Variants in FBXO31 observed in about 807,000 individuals in gnomAD.
FBXO31 encodes F-box protein 31.
A neutral mutation model predicts 54.4 loss-of-function variants in FBXO31; 24 were observed. The observed-to-expected ratio is 0.44, with a 90% CI of 0.32 to 0.62. FBXO31 has a LOEUF of 0.62. Among genes scored for constraint, FBXO31 ranks in the 20% least tolerant of loss-of-function variants. FBXO31 has a pLI of 0.05. For synonymous variants in FBXO31, 388 were observed against 335.6 expected (o/e 1.16, Z -1.71); for missense variants, 665 against 787.1 (o/e 0.84, Z 1.86).
chr16:87,344,782 G>C (rs8056833), intron 3 of FBXO31, among the ~76,000 whole-genome samples: 68,342 of 152,064 alleles, frequency 0.45, 16,639 homozygotes, highest in African/African-American at 0.6. Flanking sequence ...CAAGGCTGGA[G>C]CACGCGACGC....
upstream of FBXO31, among the ~76,000 whole-genome samples, chr16:87,386,507 AC>A (rs1375228701): frequency 2.0e-5 from 3 of 152,198 alleles, no homozygotes; most frequent in Non-Finnish European, 4.4e-5. Flanking sequence ...ATCTCAGCTC[AC>A]TGCAGCCCCC....
At chr16:87,348,614 G>T (rs1018104607) in intron 2 of FBXO31, among the ~76,000 whole-genome samples, 1 of 152,162 alleles carries the variant, frequency 6.6e-6, no homozygotes, top group African/African-American at 2.4e-5. Context: ...CCCCATCACG[G>T]TCACCAAAGG....
At chr16:87,366,315 T>C (rs970797357) in intron 1 of FBXO31, among the ~76,000 whole-genome samples, 13 of 152,250 alleles carry the variant, frequency 8.5e-5, no homozygotes, top group Admixed American at 7.9e-4. Context: ...GGGAACTCTC[T>C]GCCCTTCCTT....
chr16:87,347,401 T>G, intron 2 of FBXO31, 151 bp from the exon 3 acceptor site: 1 of 708,354 alleles, frequency 1.4e-6, no homozygotes, highest in South Asian at 1.5e-5. Flanking sequence ...TCTAAAGATG[T>G]ATCAGAATGA....
At chr16:87,384,489 G>A (rs1907256635), upstream of FBXO31, among the ~76,000 whole-genome samples, 1 of 152,250 alleles carries the variant, frequency 6.6e-6, no homozygotes, top group Non-Finnish European at 1.5e-5. Flanking sequence ...CCGCCCAAAG[G>A]GCGCCTGTTC....
rs1414574029 is a variant in FBXO31 at position 87,345,329 on chromosome 16, CG to C, written c.490-1565del. Among the ~76,000 whole-genome samples the C allele has an allele frequency of 3.8e-4, 4 of 10,576 alleles. No individual in the cohort carries two copies. The highest frequency in any genetic ancestry group is 1.5e-3 in the African/African-American group (4 of 2,718). The allele number at this position is 10,576 out of a possible 152,430, so 6.9% of individuals were successfully genotyped here. On this transcript the variant is annotated intron_variant, in intron 3 of 8. Transcript: ENST00000311635. This position sits in a 1 kb window ranked among gnomAD's most constrained non-coding sequence, Gnocchi z 4.9. ...CTCCAGCAGGAGGGTGCGGGGAGGGCGGGAGGCAGGGTGGGAGGGAGGGAGG... is the reference window on the plus strand; with the variant it reads ...CTCCAGCAGGAGGGTGCGGGGAGGGCGGAGGCAGGGTGGGAGGGAGGGAGG...
rs1216219607 is a variant in FBXO31 at position 87,346,480 on chromosome 16, A to T, written c.489+694T>A. Among the ~76,000 whole-genome samples, 1 of 152,252 alleles carries T rather than the reference A, an allele frequency of 6.6e-6. No homozygotes were observed. The highest frequency in any genetic ancestry group is 1.5e-5 in the Non-Finnish European group (1 of 68,038). ...AAAAGAAAGCCAGACTTCCATCTCC[A>T]GCCATGATCAAGTACCCAGGACTAG... On this transcript the variant is annotated intron_variant, in intron 3 of 8. Transcript: ENST00000311635. This position sits in a 1 kb window ranked among gnomAD's most constrained non-coding sequence, Gnocchi z 4.2.
At position 87,331,651 on chromosome 16, in the gene FBXO31, G is replaced by C. The variant is rs1375156996; in HGVS notation, c.1398-141C>G. On this transcript the variant is annotated intron_variant, in intron 8 of 8. Coordinates refer to ENST00000311635, the MANE Select transcript of FBXO31 (RefSeq NM_024735.5). ...AGCCAGAAGCTGACTCCCAGAGCCA[G>C]CCTGTCTCTGCAGGGGCAGCTGGGG... 23 of 733,792 alleles carry C rather than the reference G, an allele frequency of 3.1e-5. No individual in the cohort carries two copies. In the East Asian group the frequency reaches 6.0e-4, roughly 19 times the overall value. The allele number at this position is 733,792 out of a possible 1,614,324, so 45.5% of individuals were successfully genotyped here. A position where few individuals can be genotyped will look rare whatever the true frequency, so the allele number is the denominator to read the frequency against.
intron 3 of FBXO31, among the ~76,000 whole-genome samples, chr16:87,344,587 G>T (rs1267462979): frequency 6.6e-6 from 1 of 151,940 alleles, no homozygotes; most frequent in Non-Finnish European, 1.5e-5. Flanking sequence ...AGCTGGTGCT[G>T]TTCTCTCACA....
intron 3 of FBXO31, 115 bp from the exon 4 acceptor site, chr16:87,343,880 T>A: frequency 8.7e-7 from 1 of 1,147,602 alleles, no homozygotes; most frequent in Non-Finnish European, 1.3e-6. Context: ...GACCAGCACA[T>A]GGGACCTGCA....
intron 1 of FBXO31, among the ~76,000 whole-genome samples, chr16:87,379,327 G>A (rs1050313158): frequency 9.9e-5 from 15 of 152,158 alleles, no homozygotes; most frequent in African/African-American, 3.6e-4. Context: ...CAGAGCTGGG[G>A]GGAGAATAGC....
intron 2 of FBXO31, among the ~76,000 whole-genome samples, chr16:87,348,751 G>A (rs758394876): frequency 1.3e-5 from 2 of 152,172 alleles, no homozygotes; most frequent in Admixed American, 1.3e-4. Context: ...CCTATGAGAG[G>A]GCGGCCTGCA....
intron 1 of FBXO31, chr16:87,367,534 CTT>C (rs1259517303): frequency 6.6e-6 from 1 of 152,224 alleles, no homozygotes; most frequent in Non-Finnish European, 1.5e-5. Context: ...ACTTTATCCT[CTT>C]CTTACACAAA....
intron 2 of FBXO31, among the ~76,000 whole-genome samples, chr16:87,351,021 T>C (rs1287829409): frequency 6.6e-6 from 1 of 152,212 alleles, no homozygotes; most frequent in Non-Finnish European, 1.5e-5. Context: ...TGTCGGCTCC[T>C]TTAGTCTGTG....
chr16:87,370,624 A>T (rs1369733238), intron 1 of FBXO31, among the ~76,000 whole-genome samples: 1 of 152,158 alleles, frequency 6.6e-6, no homozygotes, highest in Admixed American at 6.6e-5. Context: ...GCATGCAGGC[A>T]GGGAACCCGA....
upstream of FBXO31, chr16:87,384,053 C>G (rs961876511): frequency 1.1e-5 from 2 of 176,368 alleles, no homozygotes; most frequent in Non-Finnish European, 2.4e-5. Context: ...TCACGACCTT[C>G]AGATTATGAG....
intron 4 of FBXO31, 101 bp downstream of exon 4, chr16:87,343,495 CTA>C: frequency 7.1e-7 from 1 of 1,410,728 alleles, no homozygotes; most frequent in Non-Finnish European, 9.6e-7. Flanking sequence ...CGCCGATCTG[CTA>C]CAGCCCAGGT....
chr16:87,353,045 T>C (rs943945130), intron 2 of FBXO31, among the ~76,000 whole-genome samples: 1 of 152,140 alleles, frequency 6.6e-6, no homozygotes, highest in African/African-American at 2.4e-5. Context: ...CAGGGGACTC[T>C]ACGGAAGAAA....
At chr16:87,354,671 CA>C (rs1451525059) in intron 2 of FBXO31, among the ~76,000 whole-genome samples, 4 of 151,930 alleles carry the variant, frequency 2.6e-5, no homozygotes, top group Non-Finnish European at 5.9e-5. Context: ...TCTGAGGTCA[CA>C]AAACTACTCC....
Sources: gnomAD v4.1 joint callset for allele counts (sites outside exome capture counted in the v4.1 genomes callset) on GRCh38, gnomAD v4.1.1 for gene constraint, Gnocchi (gnomAD v3.1) non-coding constraint, MANE v1.5 for transcripts, NCBI Gene and HGNC (gene_info 2026-07-23, HGNC 2026-07-21) for gene names.